Variants in PRKCQ observed in about 807,000 individuals in gnomAD.
PRKCQ encodes protein kinase C theta, also known as protein kinase C theta type.
A neutral mutation model predicts 91.2 loss-of-function variants in PRKCQ; 41 were observed. The ratio of observed to expected loss-of-function variants is 0.45; its 90% CI spans 0.35 to 0.58. The LOEUF (loss-of-function observed/expected upper bound fraction) is 0.58, where lower values mean the gene tolerates loss of function less well. PRKCQ is among the 20% of genes least tolerant of loss of function. PRKCQ has a pLI of 0.00. For synonymous variants in PRKCQ, 307 were observed against 316.9 expected, an observed-to-expected ratio of 0.97 and a Z score of 0.33; for missense variants, 673 against 896.5, an observed-to-expected ratio of 0.75 and a Z score of 3.18.
chr10:6,456,625 T>C (rs777521403), intron 15 of PRKCQ, 49 bp downstream of exon 15: 5 of 1,593,680 alleles, frequency 3.1e-6, no homozygotes, highest in Middle Eastern at 1.7e-4. Context: ...AGCAATGGCA[T>C]GTGGCCAGGG....
chr10:6,437,945 G>A (rs1309945248), intron 16 of PRKCQ, among the ~76,000 whole-genome samples: 1 of 152,142 alleles, frequency 6.6e-6, no homozygotes, highest in Non-Finnish European at 1.5e-5. Context: ...GAGCCACCGT[G>A]CCCGGCTCCC....
chr10:6,554,576 G>C (rs943446), intron 1 of PRKCQ, among the ~76,000 whole-genome samples: 137,452 of 152,178 alleles, frequency 0.9, 62,873 homozygotes, highest in East Asian at 1. Flanking sequence ...CTCACTCATC[G>C]CCACCTCAGG....
chr10:6,504,231 A>AT (rs1458355410), intron 4 of PRKCQ, among the ~76,000 whole-genome samples: 1 of 152,162 alleles, frequency 6.6e-6, no homozygotes, highest in Non-Finnish European at 1.5e-5. Flanking sequence ...CTTAGAACAG[A>AT]TTTTTATCAC....
At chr10:6,521,495 C>G (rs1839001175) in intron 1 of PRKCQ, among the ~76,000 whole-genome samples, 1 of 152,196 alleles carries the variant, frequency 6.6e-6, no homozygotes, top group Non-Finnish European at 1.5e-5. Flanking sequence ...TATTACTCAT[C>G]CCAAAGAGCC....
At chr10:6,471,470 T>C (rs1017174006) in intron 12 of PRKCQ, among the ~76,000 whole-genome samples, 3 of 152,132 alleles carry the variant, frequency 2.0e-5, no homozygotes, top group Non-Finnish European at 4.4e-5. Context: ...AGGCTGGGCA[T>C]GGTGGCTCAT....
At chr10:6,534,490 G>A (rs1324552206) in intron 1 of PRKCQ, among the ~76,000 whole-genome samples, 1 of 151,982 alleles carries the variant, frequency 6.6e-6, no homozygotes, top group Non-Finnish European at 1.5e-5. Context: ...TCTCGCCATA[G>A]CAATTTGGAT....
chr10:6,531,526 T>G (rs902138780), intron 1 of PRKCQ, among the ~76,000 whole-genome samples: 1 of 151,510 alleles, frequency 6.6e-6, no homozygotes, highest in African/African-American at 2.4e-5. Context: ...AACCCTGTTC[T>G]AAATAAATGG....
intron 11 of PRKCQ, among the ~76,000 whole-genome samples, chr10:6,480,080 G>T (rs1836512752): frequency 2.0e-5 from 3 of 152,212 alleles, no homozygotes; most frequent in South Asian, 2.1e-4. Flanking sequence ...AGGATAACTT[G>T]CTCAGATTCT....
At position 6,446,256 on chromosome 10, in the gene PRKCQ, C is replaced by T. The variant is rs139175023; in HGVS notation, c.1648-4175G>A. 2.9e-3 allele frequency among the ~76,000 whole-genome samples: 439 copies of T among 151,474 alleles called. 2 individuals carry two copies. Among genetic ancestry groups the T allele is most frequent in the Middle Eastern group, 0.01 (3 of 290 alleles). ...TAGTTAGTGAGCTGAGAGCAATGTT[C>T]TGAATCTGGTCTTTCAGGATTTTAC... On this transcript the variant is annotated intron_variant, in intron 15 of 17. Coordinates refer to ENST00000263125, the MANE Select transcript of PRKCQ (RefSeq NM_006257.5).
At position 6,442,016 on chromosome 10, in the gene PRKCQ, T is replaced by C. The variant is rs755225330; in HGVS notation, c.1713A>G (p.Glu571=). The C allele has an allele frequency of 6.3e-5, 101 of 1,614,014 alleles. No individual in the cohort carries two copies. Among genetic ancestry groups the C allele is most frequent in the Non-Finnish European group, 8.5e-5 (100 of 1,180,026 alleles). ...DWWSFGVLLY[E]MLIGQSPFHG... ...GGAAAGGCGACTGACCAATCAGCATTTCATAAAGGAGAACCCCGAAGGACC... is the reference window on the plus strand; with the variant it reads ...GGAAAGGCGACTGACCAATCAGCATCTCATAAAGGAGAACCCCGAAGGACC... The change falls in exon 16 of 18, where the codon GAA becomes GAG. Residue 571 remains glutamate (E), a synonymous_variant. Coordinates refer to ENST00000263125, the MANE Select transcript of PRKCQ (RefSeq NM_006257.5).
chr10:6,496,910 AGATG>A (rs1837646338), intron 7 of PRKCQ, 121 bp downstream of exon 7: 6 of 854,416 alleles, frequency 7.0e-6, no homozygotes, highest in Non-Finnish European at 1.2e-5. Flanking sequence ...AGTTTTGGGG[AGATG>A]GATGTTCACT....
intron 8 of PRKCQ, among the ~76,000 whole-genome samples, chr10:6,487,465 T>C (rs1836991508): frequency 6.6e-6 from 1 of 152,132 alleles, no homozygotes; most frequent in South Asian, 2.1e-4. Flanking sequence ...TCATGAACGC[T>C]CTGGGGGCTC....
chr10:6,410,972 GT>G, the PRKCQ span, among the ~76,000 whole-genome samples: 1 of 88,890 alleles, frequency 1.1e-5, no homozygotes, highest in East Asian at 3.1e-4. Flanking sequence ...GTGAGATTCC[GT>G]TTCAAAAAAA....
chr10:6,446,284 C>G (rs1471773541), intron 15 of PRKCQ, among the ~76,000 whole-genome samples: 1 of 151,000 alleles, frequency 6.6e-6, no homozygotes, highest in Non-Finnish European at 1.5e-5. Flanking sequence ...GATTTTACCA[C>G]GTGATGTTCC....
intron 16 of PRKCQ, among the ~76,000 whole-genome samples, chr10:6,437,751 AC>A (rs1400228981): frequency 6.6e-6 from 1 of 152,006 alleles, no homozygotes; most frequent in Non-Finnish European, 1.5e-5. Context: ...TCCCGGGTTC[AC>A]ACCATTTTCC....
chr10:6,483,367 A>G, intron 11 of PRKCQ, 73 bp downstream of exon 11: 2 of 1,587,602 alleles, frequency 1.3e-6, no homozygotes, highest in Non-Finnish European at 1.7e-6. Context: ...TATGAGTTTA[A>G]TTTCTTTGAC....
intron 11 of PRKCQ, among the ~76,000 whole-genome samples, chr10:6,481,996 C>CTTT (rs143551186): frequency 1.4e-5 from 2 of 141,876 alleles, no homozygotes; most frequent in Non-Finnish European, 1.5e-5. Flanking sequence ...CTCACCTCCC[C>CTTT]TTTTTTTTTT....
At chr10:6,561,212 A>G (rs1840619894) in intron 1 of PRKCQ, among the ~76,000 whole-genome samples, 1 of 151,050 alleles carries the variant, frequency 6.6e-6, no homozygotes, top group Admixed American at 6.6e-5. Flanking sequence ...CTCTACTAAA[A>G]ATACAAAAAG....
At chr10:6,479,769 A>G (rs1431234343) in intron 11 of PRKCQ, among the ~76,000 whole-genome samples, 4 of 70,022 alleles carry the variant, frequency 5.7e-5, no homozygotes, top group Non-Finnish European at 1.1e-4. Flanking sequence ...GTCTCGACTA[A>G]AAAAAAAAAA....
Sources: allele counts gnomAD v4.1 joint callset (sites outside exome capture counted in the v4.1 genomes callset), GRCh38; gene constraint gnomAD v4.1.1; transcripts MANE v1.5; gene names NCBI Gene and HGNC (gene_info 2026-07-23, HGNC 2026-07-21).